CUL5: variants seen among roughly 807,000 people sequenced by gnomAD.
CUL5 encodes cullin 5.
Under a neutral mutation model 108.8 loss-of-function variants are expected in CUL5, and 26 were observed. The ratio of observed to expected loss-of-function variants is 0.24; its 90% CI spans 0.18 to 0.33. CUL5 has a LOEUF of 0.33. Ranked by LOEUF, CUL5 falls within the 10% of genes least tolerant of loss-of-function variation. CUL5 has a pLI of 1.00. For synonymous variants in CUL5, 334 were observed against 298.0 expected, an observed-to-expected ratio of 1.12 and a Z score of -1.25; for missense variants, 524 against 909.2, an observed-to-expected ratio of 0.58 and a Z score of 5.45.
At chr11:108,021,323 G>A (rs1314741908) in intron 1 of CUL5, among the ~76,000 whole-genome samples, 1 of 152,116 alleles carries the variant, frequency 6.6e-6, no homozygotes, top group Non-Finnish European at 1.5e-5. Flanking sequence ...GTAAAAGTAA[G>A]GTGATAAAAA....
rs182203432 is a variant in CUL5, at chr11:108,013,024, C to T, written c.24+3652C>T. Among the ~76,000 whole-genome samples the T allele has an allele frequency of 8.5e-5, 13 of 152,276 alleles. 2 individuals carry two copies. The highest frequency in any genetic ancestry group is 3.1e-4 in the African/African-American group (13 of 41,556). On this transcript the variant is annotated intron_variant, in intron 1 of 18. Coordinates refer to ENST00000393094, the MANE Select transcript of CUL5 (RefSeq NM_003478.6). ...CCCTTTAACTTAATGATATGGCTTA[C>T]TCTTCTCTCCCACCCAATTGTATAG...
At chr11:108,091,838 T>TAGTGAAATGCA (rs1302317823) in intron 13 of CUL5, among the ~76,000 whole-genome samples, 1 of 151,668 alleles carries the variant, frequency 6.6e-6, no homozygotes, top group African/African-American at 2.4e-5. Context: ...CATTAGTCAT[T>TAGTGAAATGCA]AGTGAAATGC....
At chr11:108,085,201 T>A (rs1173073991) in intron 11 of CUL5, among the ~76,000 whole-genome samples, 1 of 152,178 alleles carries the variant, frequency 6.6e-6, no homozygotes, top group African/African-American at 2.4e-5. Context: ...GTTGCATAGA[T>A]AAGCAAAGTA....
intron 18 of CUL5, among the ~76,000 whole-genome samples, chr11:108,100,460 C>T (rs974459982): frequency 6.6e-6 from 1 of 152,078 alleles, no homozygotes; most frequent in Non-Finnish European, 1.5e-5. Flanking sequence ...AGGAGAATTG[C>T]CTGAACCTGG....
At chr11:108,011,759 C>T (rs1457947116) in intron 1 of CUL5, among the ~76,000 whole-genome samples, 1 of 152,126 alleles carries the variant, frequency 6.6e-6, no homozygotes, top group African/African-American at 2.4e-5. Context: ...TCCCGAGTAG[C>T]TGGGACTACA....
intron 2 of CUL5, among the ~76,000 whole-genome samples, chr11:108,042,426 T>A (rs1347898447): frequency 6.6e-6 from 1 of 152,102 alleles, no homozygotes; most frequent in African/African-American, 2.4e-5. Flanking sequence ...TTCACCATGT[T>A]GTCTAGGCTG....
chr11:108,102,933 C>T (rs780413986), intron 18 of CUL5, among the ~76,000 whole-genome samples: 3 of 151,614 alleles, frequency 2.0e-5, no homozygotes, highest in Non-Finnish European at 4.4e-5. Context: ...ATAGCGGGGA[C>T]CACAGACACA....
intron 13 of CUL5, among the ~76,000 whole-genome samples, chr11:108,093,960 C>T (rs1864424118): frequency 6.6e-6 from 1 of 152,192 alleles, no homozygotes; most frequent in African/African-American, 2.4e-5. Context: ...GCTTCAGCCT[C>T]CCAAAGTGCT....
In CUL5 at chr11:108,026,621, C is replaced by G. The variant is rs1376228665; in HGVS notation, c.25-7181C>G. ...ATTTAAATTCACTAGCAGTTTCTCT[C>G]CCTTTCCCCACATCATCAACATTTC... On this transcript the variant is annotated intron_variant, in intron 1 of 18. Coordinates refer to ENST00000393094, the MANE Select transcript of CUL5 (RefSeq NM_003478.6). Among the ~76,000 whole-genome samples the G allele has an allele frequency of 2.6e-5, 4 of 152,276 alleles. No homozygotes were observed. In the East Asian group the frequency reaches 5.8e-4, roughly 22 times the overall value.
chr11:108,089,886 A>G (rs948779720), intron 13 of CUL5, among the ~76,000 whole-genome samples: 1 of 151,980 alleles, frequency 6.6e-6, no homozygotes, highest in Non-Finnish European at 1.5e-5. Context: ...CTAAAAATAC[A>G]AAAATTAGCT....
chr11:108,057,790 C>T lies in CUL5; in HGVS notation c.780+2835C>T, dbSNP rs528700771. 6.6e-5 allele frequency among the ~76,000 whole-genome samples: 10 copies of T among 152,194 alleles called. No individual in the cohort carries two copies. The South Asian group carries it at 1.0e-3, about 16-fold the overall frequency. ...AGACCTAGAGTTAAATTGATAGTATCGTACCAATACTATTTTCCTGGTTTT... is the reference window on the plus strand; with the variant it reads ...AGACCTAGAGTTAAATTGATAGTATTGTACCAATACTATTTTCCTGGTTTT... On this transcript the variant is annotated intron_variant, in intron 7 of 18. Coordinates refer to ENST00000393094, the MANE Select transcript of CUL5 (RefSeq NM_003478.6).
At chr11:108,061,966 C>T (rs937942063) in intron 7 of CUL5, among the ~76,000 whole-genome samples, 1 of 151,850 alleles carries the variant, frequency 6.6e-6, no homozygotes, top group East Asian at 1.9e-4. Flanking sequence ...TTGAGAATTC[C>T]CTGTCACAAG....
chr11:108,081,596 C>T (rs1053679155), intron 11 of CUL5, among the ~76,000 whole-genome samples: 1 of 151,460 alleles, frequency 6.6e-6, no homozygotes, highest in East Asian at 2.0e-4. Context: ...ACTAAAAATA[C>T]AAAAAATTAG....
intron 1 of CUL5, among the ~76,000 whole-genome samples, 194 bp downstream of exon 1, chr11:108,009,566 G>A (rs73555364): frequency 0.02 from 3,013 of 151,988 alleles, 114 homozygotes; most frequent in African/African-American, 0.068. Context: ...TCTGGTGGTC[G>A]CTCCCGCCGA....
intron 2 of CUL5, among the ~76,000 whole-genome samples, chr11:108,038,048 C>T (rs1380452798): frequency 1.3e-5 from 2 of 152,164 alleles, no homozygotes; most frequent in East Asian, 3.9e-4. Flanking sequence ...TAGGACCTTG[C>T]TGCATACTAT....
At chr11:108,031,857 A>T (rs1014320728) in intron 1 of CUL5, among the ~76,000 whole-genome samples, 1 of 152,238 alleles carries the variant, frequency 6.6e-6, no homozygotes, top group African/African-American at 2.4e-5. Context: ...GAACAAGATC[A>T]TGTCCTTTGC....
chr11:108,046,324 G>T lies in CUL5; in HGVS notation c.189G>T (p.Gln63His). 1.9e-6 allele frequency: 3 copies of T among 1,612,994 alleles called. No individual in the cohort carries two copies. Residue 63 changes from glutamine to histidine, a missense_variant, in exon 3 of 19, where the codon CAG becomes CAT. This residue lies in a region of CUL5 where 76 missense variants were observed against 90.8 expected (regional missense o/e 0.84). Transcript: ENST00000393094. ...ATAAAGGCCCAGCAAAAATTCATCA[G>T]GCTTTAAAAGAAGATATTCTTGAGT... ...WDDKGPAKIH[Q>H]ALKEDILEFI...
chr11:108,017,796 AT>A (rs914542478), intron 1 of CUL5, among the ~76,000 whole-genome samples: 5 of 152,016 alleles, frequency 3.3e-5, no homozygotes, highest in African/African-American at 1.2e-4. Context: ...GCAGTGAGCA[AT>A]GTTTATGCTG....
intron 16 of CUL5, among the ~76,000 whole-genome samples, chr11:108,096,660 G>GCGGA (rs1412259063): frequency 1.4e-5 from 2 of 147,332 alleles, no homozygotes. Flanking sequence ...TCCGCCTCCA[G>GCGGA]GGTTTAAGCG....
Sources: allele counts gnomAD v4.1 joint callset (sites outside exome capture counted in the v4.1 genomes callset), GRCh38; gene constraint gnomAD v4.1.1; regional missense constraint gnomAD v4.1.1; transcripts MANE v1.5; gene names NCBI Gene and HGNC (gene_info 2026-07-23, HGNC 2026-07-21).